Variants in AHI1 observed in about 807,000 individuals in gnomAD.
AHI1 encodes the protein Abelson helper integration site 1, also known as jouberin.
AHI1 carries 123 observed loss-of-function variants against 149.3 expected under a neutral mutation model. That is an observed-to-expected ratio of 0.82 (90% CI 0.71 to 0.96). The LOEUF is 0.96. Ranked by LOEUF, AHI1 falls within the 40% of genes least tolerant of loss-of-function variation. The pLI is 0.00. For missense variants in AHI1, 1,439 were observed against 1,422.7 expected (o/e 1.01, Z -0.18); for synonymous variants, 475 against 459.8 (o/e 1.03, Z -0.42).
chr6:135,383,764 C>A (rs1279174733), intron 23 of AHI1, among the ~76,000 whole-genome samples: 7 of 152,108 alleles, frequency 4.6e-5, no homozygotes. Context: ...TTTGAGATTA[C>A]AAAATTATAA....
At chr6:135,348,721 A>G (rs561688299) in intron 24 of AHI1, among the ~76,000 whole-genome samples, 1 of 152,338 alleles carries the variant, frequency 6.6e-6, no homozygotes, top group East Asian at 1.9e-4. Context: ...CACAGTTGAA[A>G]AAATCAAGAT....
At chr6:135,421,254 T>C (rs1248206528) in intron 20 of AHI1, among the ~76,000 whole-genome samples, 2 of 152,122 alleles carry the variant, frequency 1.3e-5, no homozygotes, top group Non-Finnish European at 2.9e-5. Context: ...TACGAAAATG[T>C]GACAGAGAGA....
At chr6:135,464,866 G>T (rs778739667) in intron 7 of AHI1, among the ~76,000 whole-genome samples, 117 of 152,322 alleles carry the variant, frequency 7.7e-4, no homozygotes, top group Middle Eastern at 3.4e-3. Context: ...ATTGCAACCT[G>T]TGATTGACAG....
intron 23 of AHI1, among the ~76,000 whole-genome samples, chr6:135,362,924 G>A (rs1794136282): frequency 6.6e-6 from 1 of 151,918 alleles, no homozygotes; most frequent in African/African-American, 2.4e-5. Context: ...TGATCATAAA[G>A]TCTTTGCCTA....
At chr6:135,468,042 TA>T (rs1436755941) in intron 5 of AHI1, among the ~76,000 whole-genome samples, 2 of 152,138 alleles carry the variant, frequency 1.3e-5, no homozygotes, top group African/African-American at 4.8e-5. Context: ...TAAAAGTAGT[TA>T]AAAAATATCC....
In AHI1 at chr6:135,285,470, T is replaced by A; in HGVS notation, c.*175A>T. 1.4e-6 allele frequency: 1 copy of A among 703,848 alleles called. No individual in the cohort carries two copies. Among genetic ancestry groups the A allele is most frequent in the South Asian group, 1.7e-5 (1 of 57,764 alleles). The allele number at this position is 703,848 out of a possible 1,614,324, so 43.6% of individuals were successfully genotyped here. On this transcript the variant is annotated 3_prime_UTR_variant, in exon 29 of 29. Transcript: ENST00000265602. ...AACTGAACTCAAAGGCCACGTTGATTTTTCCACCCACAACTTGATTCTGAT... is the reference window on the plus strand; with the variant it reads ...AACTGAACTCAAAGGCCACGTTGATATTTCCACCCACAACTTGATTCTGAT...
At chr6:135,313,132 T>G (rs1031212840) in intron 26 of AHI1, among the ~76,000 whole-genome samples, 2 of 152,180 alleles carry the variant, frequency 1.3e-5, no homozygotes, top group African/African-American at 4.8e-5. Context: ...CAGAGTGCAC[T>G]CAAATCATTT....
rs1458049086 is a variant in AHI1, at chr6:135,448,465, G to C, written c.1451C>G (p.Ala484Gly). 3 of 1,487,972 alleles carry C rather than the reference G, an allele frequency of 2.0e-6. No homozygotes were observed. The highest frequency in any genetic ancestry group is 2.7e-6 in the Non-Finnish European group (3 of 1,101,250). 92.2% of individuals were successfully genotyped at this position (1,487,972 alleles called of 1,614,324 possible). A position where few individuals can be genotyped will look rare whatever the true frequency, so the allele number is the denominator to read the frequency against. ...TGAGTTGATGTTTGCATTTCCATTG[G>C]CTCCCAGAAGCTTAAAATAAGAATT... The part of the protein sequence containing the change: ...IAWAFLKLLG[A>G]NGNANINSKL... The change falls in exon 12 of 29, where the codon GCC becomes GGC. Residue 484 changes from alanine (A) to glycine (G), a missense_variant. Transcript: ENST00000265602.
In AHI1 at chr6:135,448,392, T is replaced by A. The variant is rs368162800; in HGVS notation, c.1524A>T (p.Pro508=). 1.4e-5 allele frequency: 22 copies of A among 1,608,962 alleles called. No individual in the cohort carries two copies. The highest frequency in any genetic ancestry group is 1.7e-5 in the Non-Finnish European group (20 of 1,176,654). The part of the protein sequence containing the change: ...LYYPPTKPRS[P]LSVVEAFEWW... Reference sequence around the variant, plus strand: ...ATTCAAATGCCTCAACAACACTTAATGGGGATCGAGGCTTAGTAGGTGGGT... The same window carrying A: ...ATTCAAATGCCTCAACAACACTTAAAGGGGATCGAGGCTTAGTAGGTGGGT... Residue 508 remains proline (P), a synonymous_variant, in exon 12 of 29, where the codon CCA becomes CCT. Coordinates refer to ENST00000265602, the MANE Select transcript of AHI1 (RefSeq NM_001134831.2).
chr6:135,480,942 T>G (rs1793530547), intron 5 of AHI1, among the ~76,000 whole-genome samples: 2 of 152,232 alleles, frequency 1.3e-5, no homozygotes, highest in African/African-American at 4.8e-5. Context: ...TAATACCTGA[T>G]GATCTGAGAT....
intron 22 of AHI1, among the ~76,000 whole-genome samples, chr6:135,403,737 A>G (rs1780349368): frequency 2.0e-5 from 3 of 152,290 alleles, no homozygotes; most frequent in South Asian, 4.1e-4. Context: ...AATCATTGCT[A>G]TCAGGAACGT....
intron 27 of AHI1, among the ~76,000 whole-genome samples, chr6:135,297,047 T>G (rs1783185171): frequency 6.6e-6 from 1 of 152,218 alleles, no homozygotes; most frequent in Admixed American, 6.5e-5. Context: ...ACAAATGAAC[T>G]ACTGACACCT....
rs912049113 is a variant in AHI1 at position 135,466,184 on chromosome 6, T to C, written c.379A>G (p.Lys127Glu). The change falls in exon 7 of 29, where the codon AAA (lysine) becomes GAA (glutamate). Residue 127 changes from lysine to glutamate, a missense_variant. Transcript: ENST00000265602. ...TGGGGCACCGTCTTTATCACCTTTT[T>C]ATTTGGCTTTCCTTGTTTGTCTTCC... ...VEEDKQGKPN[K>E]KVIKTVPQLT... 3.1e-6 allele frequency: 5 copies of C among 1,614,006 alleles called. No individual in the cohort carries two copies. Among genetic ancestry groups the C allele is most frequent in the Non-Finnish European group, 4.2e-6 (5 of 1,179,878 alleles).
chr6:135,315,915 C>A (rs1249672619), intron 26 of AHI1, among the ~76,000 whole-genome samples: 4 of 152,180 alleles, frequency 2.6e-5, no homozygotes, highest in African/African-American at 9.7e-5. Context: ...TTTAGAGGGG[C>A]ACTGCTCTAA....
chr6:135,337,770 GA>G (rs59397034), intron 24 of AHI1, among the ~76,000 whole-genome samples: 59 of 121,018 alleles, frequency 4.9e-4, no homozygotes, highest in South Asian at 1.1e-3. Flanking sequence ...GTCTCAAAAA[GA>G]AAAAAAAAAA....
chr6:135,446,395 A>G (rs1787219351), intron 13 of AHI1, among the ~76,000 whole-genome samples: 1 of 152,220 alleles, frequency 6.6e-6, no homozygotes, highest in Non-Finnish European at 1.5e-5. Flanking sequence ...GAAGCCTCAG[A>G]AGAAATCAAC....
At chr6:135,403,371 G>T (rs1780293989) in intron 22 of AHI1, among the ~76,000 whole-genome samples, 1 of 152,088 alleles carries the variant, frequency 6.6e-6, no homozygotes, top group Non-Finnish European at 1.5e-5. Flanking sequence ...TACTAGTAAG[G>T]TTAATTTTTC....
intron 24 of AHI1, among the ~76,000 whole-genome samples, chr6:135,333,396 T>C (rs1788890431): frequency 6.6e-6 from 1 of 152,192 alleles, no homozygotes; most frequent in African/African-American, 2.4e-5. Flanking sequence ...CATATAGCCC[T>C]ATTTCTAGCA....
In AHI1 at chr6:135,394,869, G is replaced by A. The variant is rs760193026; in HGVS notation, c.3016C>T (p.Pro1006Ser). The A allele has an allele frequency of 1.9e-6, 3 of 1,602,394 alleles. No individual in the cohort carries two copies. Among genetic ancestry groups the A allele is most frequent in the Non-Finnish European group, 2.6e-6 (3 of 1,173,606 alleles). Residue 1006 changes from proline (P) to serine (S), a missense_variant, in exon 23 of 29, where the codon CCA becomes TCA. Transcript: ENST00000265602. ...GACTGTTGTGAGGAAACTGCTGGTG[G>A]TGAAGTAAATGAGAGATTTTTGTTG... The part of the protein sequence containing the change: ...KVNKNLSFTS[P>S]PAVSSQQSKL...
Sources: allele counts gnomAD v4.1 joint callset (sites outside exome capture counted in the v4.1 genomes callset), GRCh38; gene constraint gnomAD v4.1.1; transcripts MANE v1.5; gene names NCBI Gene and HGNC (gene_info 2026-07-23, HGNC 2026-07-21).